The following KCNQ5 variants were observed in gnomAD, a reference collection of about 807,000 sequenced individuals.
The protein encoded by KCNQ5 is potassium voltage-gated channel subfamily Q member 5.
In KCNQ5, 30 loss-of-function variants were observed where a neutral mutation model predicts 98.2. The ratio of observed to expected loss-of-function variants is 0.31; its 90% confidence interval spans 0.23 to 0.41. KCNQ5 has a LOEUF of 0.41. KCNQ5 is among the 10% of genes least tolerant of loss of function. The pLI, the probability that KCNQ5 is intolerant of heterozygous loss-of-function variation, is 1.00. For synonymous variants in KCNQ5, 458 were observed against 449.4 expected (o/e 1.02, Z -0.24); for missense variants, 835 against 1,182.5 (o/e 0.71, Z 4.31).
chr6:73,190,906 T>A (rs543778551), intron 12 of KCNQ5, among the ~76,000 whole-genome samples: 1 of 152,346 alleles, frequency 6.6e-6, no homozygotes, highest in East Asian at 1.9e-4. Flanking sequence ...AACTGTCTCA[T>A]TTTCCTTATC....
chr6:72,936,285 T>C (rs1484299581), intron 1 of KCNQ5, among the ~76,000 whole-genome samples: 2 of 152,224 alleles, frequency 1.3e-5, no homozygotes, highest in African/African-American at 2.4e-5. Flanking sequence ...CATGTCACTA[T>C]CAGAAATTTT....
intron 1 of KCNQ5, among the ~76,000 whole-genome samples, chr6:72,898,803 G>A (rs148751496): frequency 2.0e-5 from 3 of 152,174 alleles, no homozygotes; most frequent in Admixed American, 6.5e-5. Context: ...AGTGTAAAAG[G>A]GTTCCTATTT....
chr6:72,815,098 T>G (rs1237424958), intron 1 of KCNQ5, among the ~76,000 whole-genome samples: 2 of 152,116 alleles, frequency 1.3e-5, no homozygotes, highest in African/African-American at 4.8e-5. Context: ...TATATGAATG[T>G]ATGGAGTTCT....
chr6:72,683,984 C>G (rs1767830108), intron 1 of KCNQ5, among the ~76,000 whole-genome samples: 1 of 152,146 alleles, frequency 6.6e-6, no homozygotes, highest in African/African-American at 2.4e-5. Flanking sequence ...AATAATGAAA[C>G]TGAGACTTAG....
At chr6:72,654,049 A>G (rs1397972633) in intron 1 of KCNQ5, among the ~76,000 whole-genome samples, 1 of 152,106 alleles carries the variant, frequency 6.6e-6, no homozygotes, top group East Asian at 1.9e-4. Context: ...GTGATTGAGT[A>G]CATGCTATGA....
intron 1 of KCNQ5, among the ~76,000 whole-genome samples, chr6:72,730,469 A>G (rs972799033): frequency 2.6e-5 from 4 of 152,140 alleles, no homozygotes; most frequent in African/African-American, 9.6e-5. Flanking sequence ...TTGTTACATT[A>G]CTCTCTGATC....
intron 1 of KCNQ5, among the ~76,000 whole-genome samples, chr6:72,995,852 G>A (rs1769272569): frequency 6.6e-6 from 1 of 152,128 alleles, no homozygotes; most frequent in Non-Finnish European, 1.5e-5. Context: ...GCGTCATTTA[G>A]TTCTTTTAAA....
chr6:73,065,993 A>G (rs1773038327), intron 3 of KCNQ5, among the ~76,000 whole-genome samples: 1 of 152,154 alleles, frequency 6.6e-6, no homozygotes, highest in Non-Finnish European at 1.5e-5. Flanking sequence ...CCAAAAATAC[A>G]AAATTAGCCT....
At chr6:73,139,561 G>A (rs1387100433) in intron 10 of KCNQ5, among the ~76,000 whole-genome samples, 1 of 151,972 alleles carries the variant, frequency 6.6e-6, no homozygotes, top group African/African-American at 2.4e-5. Context: ...CTAAATGTCC[G>A]GGCTTTTAAA....
At chr6:73,087,437 C>T (rs1304980813) in intron 5 of KCNQ5, among the ~76,000 whole-genome samples, 1 of 72,250 alleles carries the variant, frequency 1.4e-5, no homozygotes, top group Non-Finnish European at 3.2e-5. Flanking sequence ...GTTTTAGACA[C>T]ATTCAGTTAA....
chr6:73,126,923 C>T (rs1000574687), intron 9 of KCNQ5, among the ~76,000 whole-genome samples: 1 of 150,466 alleles, frequency 6.6e-6, no homozygotes, highest in Non-Finnish European at 1.5e-5. Context: ...GATAAAACAC[C>T]AACAAAAAAT....
At chr6:73,043,823 C>G (rs1440114494) in intron 3 of KCNQ5, among the ~76,000 whole-genome samples, 1 of 152,204 alleles carries the variant, frequency 6.6e-6, no homozygotes, top group Non-Finnish European at 1.5e-5. Context: ...TGTCTGCTGC[C>G]TTTTGATAGC....
rs553224370 is a variant in KCNQ5 at position 73,187,859 on chromosome 6, C to A, written c.1578-2714C>A. The stretch of plus-strand genomic sequence containing the variant: ...CTTCAAAATGTACTTTCTGTTAAAA[C>A]ATCTCTGAAAGGAAGAGAGAAAAGC... On this transcript the variant is annotated intron_variant, in intron 11 of 13. Coordinates refer to ENST00000370398, the MANE Select transcript of KCNQ5 (RefSeq NM_019842.4). 2.0e-5 allele frequency among the ~76,000 whole-genome samples: 3 copies of A among 152,262 alleles called. No individual in the cohort carries two copies. The East Asian group carries it at 5.8e-4, about 29-fold the overall frequency.
chr6:72,771,873 C>T (rs4706512), intron 1 of KCNQ5, among the ~76,000 whole-genome samples: 81,338 of 151,232 alleles, frequency 0.54, 22,242 homozygotes, highest in Middle Eastern at 0.62. Context: ...CTAGAGGATG[C>T]AATCTATGGT....
chr6:73,096,590 C>T (rs1251237615), intron 5 of KCNQ5, among the ~76,000 whole-genome samples: 2 of 152,160 alleles, frequency 1.3e-5, no homozygotes, highest in Non-Finnish European at 2.9e-5. Context: ...ATCTAGTTAA[C>T]CTTCTCTTTA....
intron 1 of KCNQ5, among the ~76,000 whole-genome samples, chr6:72,784,093 A>G (rs1475267746): frequency 6.6e-6 from 1 of 152,126 alleles, no homozygotes; most frequent in Non-Finnish European, 1.5e-5. Flanking sequence ...TCTGGTGGCA[A>G]TCTCATCCCT....
chr6:72,998,391 T>G (rs1332762044), intron 1 of KCNQ5, among the ~76,000 whole-genome samples: 1 of 152,216 alleles, frequency 6.6e-6, no homozygotes, highest in Non-Finnish European at 1.5e-5. Context: ...ATATTCTATA[T>G]CTTCTTCCTG....
At chr6:73,014,999 G>A (rs1770259401) in intron 2 of KCNQ5, among the ~76,000 whole-genome samples, 1 of 152,096 alleles carries the variant, frequency 6.6e-6, no homozygotes, top group African/African-American at 2.4e-5. Flanking sequence ...GATACAGAAT[G>A]AGATGACAGT....
chr6:72,626,561 G>T (rs979783683), intron 1 of KCNQ5, among the ~76,000 whole-genome samples: 20 of 152,272 alleles, frequency 1.3e-4, no homozygotes, highest in Admixed American at 5.9e-4. Flanking sequence ...ATAATCAGGG[G>T]AATGATATAA....
Sources: gnomAD v4.1 joint callset for allele counts (sites outside exome capture counted in the v4.1 genomes callset) on GRCh38, gnomAD v4.1.1 for gene constraint, MANE v1.5 for transcripts, NCBI Gene and HGNC (gene_info 2026-07-23, HGNC 2026-07-21) for gene names.